Variants in FAM117B observed in about 807,000 individuals in gnomAD.
The protein encoded by FAM117B is family with sequence similarity 117 member B.
A neutral mutation model predicts 52.8 loss-of-function variants in FAM117B; 22 were observed. The ratio of observed to expected loss-of-function variants is 0.42; its 90% CI spans 0.30 to 0.59. FAM117B has a LOEUF of 0.59. Among genes scored for constraint, FAM117B ranks in the 20% least tolerant of loss-of-function variants. FAM117B has a pLI of 0.22. For missense variants in FAM117B, 678 were observed against 802.6 expected (o/e 0.84, Z 1.88); for synonymous variants, 309 against 324.1 (o/e 0.95, Z 0.50).
chr2:202,691,698 T>TGTGTGTGTGTGTGTGTGCGC (rs1476079292), intron 1 of FAM117B, among the ~76,000 whole-genome samples: 1 of 131,088 alleles, frequency 7.6e-6, no homozygotes, highest in South Asian at 2.7e-4. Context: ...TGTGTGTGTG[T>TGTGTGTGTGTGTGTGTGCGC]GCGCGCGCGC....
At chr2:202,675,940 G>C (rs1690371343) in intron 1 of FAM117B, among the ~76,000 whole-genome samples, 1 of 141,042 alleles carries the variant, frequency 7.1e-6, no homozygotes, top group African/African-American at 2.8e-5. Flanking sequence ...AGCTGAGATC[G>C]CACCATTGCA....
At chr2:202,636,867 ATACT>A (rs1200074031) in intron 1 of FAM117B, among the ~76,000 whole-genome samples, 1 of 152,218 alleles carries the variant, frequency 6.6e-6, no homozygotes, top group Non-Finnish European at 1.5e-5. Context: ...GTTTTAGATA[ATACT>A]TATTTAGAGA....
intron 7 of FAM117B, among the ~76,000 whole-genome samples, chr2:202,760,324 A>C (rs1331120256): frequency 2.0e-5 from 3 of 152,194 alleles, no homozygotes; most frequent in Non-Finnish European, 4.4e-5. Context: ...GAGGTCCCAA[A>C]GGTCTCAGCA....
At chr2:202,724,051 CTTTTTT>C (rs34063266) in intron 2 of FAM117B, among the ~76,000 whole-genome samples, 4 of 89,794 alleles carry the variant, frequency 4.5e-5, no homozygotes, top group South Asian at 4.1e-4. Context: ...TAAGGTTTAA[CTTTTTT>C]TTTTTTTTTT....
chr2:202,759,025 G>T (rs1179131149), intron 6 of FAM117B, among the ~76,000 whole-genome samples: 5 of 152,208 alleles, frequency 3.3e-5, no homozygotes, highest in Non-Finnish European at 7.3e-5. Flanking sequence ...AGGATTATGT[G>T]ATACAGGCCT....
chr2:202,697,286 A>G (rs919177090), intron 2 of FAM117B, among the ~76,000 whole-genome samples: 1 of 152,202 alleles, frequency 6.6e-6, no homozygotes, highest in Admixed American at 6.5e-5. Flanking sequence ...GAAGATAGGA[A>G]TTGTGTCTGG....
intron 2 of FAM117B, among the ~76,000 whole-genome samples, chr2:202,705,871 T>G (rs535780850): frequency 7.9e-5 from 12 of 152,216 alleles, no homozygotes; most frequent in African/African-American, 2.9e-4. Context: ...CTTGCATTAT[T>G]TGGGATTCCT....
At chr2:202,720,375 CATT>C (rs1286389818) in intron 2 of FAM117B, among the ~76,000 whole-genome samples, 1 of 150,744 alleles carries the variant, frequency 6.6e-6, no homozygotes, top group Non-Finnish European at 1.5e-5. Flanking sequence ...GAGTTTTAAA[CATT>C]AGTCATATTT....
rs1037747907 is a variant in FAM117B at position 202,732,053 on chromosome 2, T to C, written c.960+5690T>C. The stretch of plus-strand genomic sequence containing the variant: ...CCCAGCCTATTTATTTTTCTTTTTT[T>C]TTTTTTTTTGTATTTATAGTAGAGA... On this transcript the variant is annotated intron_variant, in intron 4 of 7. Coordinates refer to ENST00000392238, the MANE Select transcript of FAM117B (RefSeq NM_173511.4). Among the ~76,000 whole-genome samples the C allele has an allele frequency of 1.3e-4, 19 of 151,504 alleles. 1 individual carries two copies. The highest frequency in any genetic ancestry group is 5.9e-4 in the Admixed American group (9 of 15,250).
intron 4 of FAM117B, among the ~76,000 whole-genome samples, chr2:202,754,822 A>G (rs1378230104): frequency 1.5e-5 from 2 of 134,484 alleles, no homozygotes; most frequent in African/African-American, 2.7e-5. Context: ...CATGGGAGGT[A>G]GAGGTTGCAG....
At chr2:202,709,187 T>G (rs1690921855) in intron 2 of FAM117B, among the ~76,000 whole-genome samples, 1 of 152,100 alleles carries the variant, frequency 6.6e-6, no homozygotes, top group Non-Finnish European at 1.5e-5. Context: ...ACTTTTTTTT[T>G]TCCCCAAGTC....
At chr2:202,688,235 CA>C (rs915647953) in intron 1 of FAM117B, among the ~76,000 whole-genome samples, 1 of 151,866 alleles carries the variant, frequency 6.6e-6, no homozygotes, top group Admixed American at 6.6e-5. Flanking sequence ...GTATGAATTT[CA>C]AAAAAATATA....
At chr2:202,711,459 G>A (rs1033137158) in intron 2 of FAM117B, among the ~76,000 whole-genome samples, 2 of 152,080 alleles carry the variant, frequency 1.3e-5, no homozygotes, top group African/African-American at 4.8e-5. Context: ...CTTGTTGGAT[G>A]GATAATTTGC....
chr2:202,657,862 TTATG>T (rs1320238374), intron 1 of FAM117B, among the ~76,000 whole-genome samples: 2 of 152,192 alleles, frequency 1.3e-5, no homozygotes, highest in Non-Finnish European at 2.9e-5. Context: ...TTCATTTAAT[TTATG>T]TATTTTTTTT....
chr2:202,662,396 G>T (rs1690143643), intron 1 of FAM117B, among the ~76,000 whole-genome samples: 1 of 152,120 alleles, frequency 6.6e-6, no homozygotes, highest in Admixed American at 6.5e-5. Context: ...GGTGATAGAG[G>T]AGGAGGGGAC....
intron 2 of FAM117B, 87 bp from the exon 3 acceptor site, chr2:202,724,830 G>A: frequency 2.2e-6 from 2 of 927,578 alleles, no homozygotes; most frequent in South Asian, 6.2e-5. Context: ...TTTTGTAATG[G>A]AAATATGTTT....
At chr2:202,655,946 A>G (rs941647422) in intron 1 of FAM117B, among the ~76,000 whole-genome samples, 1 of 152,092 alleles carries the variant, frequency 6.6e-6, no homozygotes, top group Non-Finnish European at 1.5e-5. Context: ...TAGATACAGG[A>G]CTATTAGGTT....
intron 4 of FAM117B, among the ~76,000 whole-genome samples, chr2:202,727,798 G>T (rs1412581532): frequency 6.6e-6 from 1 of 152,250 alleles, no homozygotes; most frequent in Admixed American, 6.5e-5. Flanking sequence ...AATACTTACT[G>T]TTTGGCCCTT....
intron 2 of FAM117B, among the ~76,000 whole-genome samples, chr2:202,708,604 A>T (rs1453598903): frequency 6.6e-6 from 1 of 151,896 alleles, no homozygotes; most frequent in Non-Finnish European, 1.5e-5. Flanking sequence ...TTCCATTTTT[A>T]ATTATTTGTT....
Sources: allele counts gnomAD v4.1 joint callset (sites outside exome capture counted in the v4.1 genomes callset), GRCh38; gene constraint gnomAD v4.1.1; transcripts MANE v1.5; gene names NCBI Gene and HGNC (gene_info 2026-07-23, HGNC 2026-07-21).